The following PARD3B variants were observed in gnomAD, a reference collection of about 807,000 sequenced individuals.
The protein encoded by PARD3B is par-3 family cell polarity regulator beta.
PARD3B carries 103 observed loss-of-function variants against 130.2 expected under a neutral mutation model. That is an observed-to-expected ratio of 0.79 (90% confidence interval 0.67 to 0.93). The LOEUF (loss-of-function observed/expected upper bound fraction) is 0.93, where lower values mean the gene tolerates loss of function less well. Among genes scored for constraint, PARD3B ranks in the 40% least tolerant of loss-of-function variants. The probability of loss-of-function intolerance (pLI) is 0.00; values close to 1 mark genes in which losing one functional copy is unlikely to be tolerated. For synonymous variants in PARD3B, 583 were observed against 553.2 expected (o/e 1.05, Z -0.76); for missense variants, 1,609 against 1,499.2 (o/e 1.07, Z -1.21).
At chr2:205,559,037 T>C (rs953648369) in intron 22 of PARD3B, among the ~76,000 whole-genome samples, 1 of 152,232 alleles carries the variant, frequency 6.6e-6, no homozygotes, top group African/African-American at 2.4e-5. Flanking sequence ...CAGTAGAGTC[T>C]TAATACATTG....
intron 2 of PARD3B, among the ~76,000 whole-genome samples, chr2:204,809,423 T>A (rs1269643403): frequency 6.6e-6 from 1 of 152,200 alleles, no homozygotes; most frequent in East Asian, 1.9e-4. Context: ...TACTTTTAAG[T>A]CTTTAATCCA....
Position 205,274,439 on chromosome 2 carries a change from C to A in PARD3B, c.2186-26091C>A, listed in dbSNP as rs1195813874. On this transcript the variant is annotated intron_variant, in intron 16 of 22. Transcript: ENST00000406610. The surrounding 1 kb of genome is among the most constrained non-coding windows in gnomAD (Gnocchi z 4.2). ...GACTTTAATATTACTGAGGAAGAAA[C>A]CTGTAGTAATCTTATTCACCTCATT... is the stretch of plus-strand genomic sequence containing the variant. Among the ~76,000 whole-genome samples, 3 of 151,772 alleles carry A rather than the reference C, an allele frequency of 2.0e-5. No individual in the cohort carries two copies. The highest frequency in any genetic ancestry group is 1.5e-5 in the Non-Finnish European group (1 of 67,952).
chr2:205,023,843 G>A lies in PARD3B; in HGVS notation c.395-23738G>A, dbSNP rs74520578. 3.1e-3 allele frequency among the ~76,000 whole-genome samples: 465 copies of A among 151,944 alleles called. 14 individuals are homozygous for A. In the East Asian group the frequency reaches 0.054, roughly 18 times the overall value. ...AAAAAAACAGATGTGTATTTACTTC[G>A]GCAGCTCCAGATCTTGACTCTGGTA... On this transcript the variant is annotated intron_variant, in intron 3 of 22. Transcript: ENST00000406610.
At chr2:204,856,682 T>G (rs545785462) in intron 2 of PARD3B, among the ~76,000 whole-genome samples, 5 of 152,290 alleles carry the variant, frequency 3.3e-5, no homozygotes, top group African/African-American at 1.2e-4. Flanking sequence ...TTATGTTAGA[T>G]TTCTTTATTC....
At chr2:205,363,882 G>C (rs560078397) in intron 18 of PARD3B, among the ~76,000 whole-genome samples, 17 of 126,090 alleles carry the variant, frequency 1.3e-4, no homozygotes, top group African/African-American at 5.1e-4. Context: ...GGCCAGGCTG[G>C]TCTTGAACTC....
intron 2 of PARD3B, among the ~76,000 whole-genome samples, chr2:204,900,385 T>C (rs2046811494): frequency 6.6e-6 from 1 of 152,192 alleles, no homozygotes; most frequent in Non-Finnish European, 1.5e-5. Context: ...GCTTGATCAG[T>C]TCTGCTCTTA....
At chr2:205,093,378 A>G (rs1702222627) in intron 4 of PARD3B, among the ~76,000 whole-genome samples, 1 of 152,158 alleles carries the variant, frequency 6.6e-6, no homozygotes, top group Non-Finnish European at 1.5e-5. Flanking sequence ...AGCAAGGCAG[A>G]CAGACCTGTA....
intron 20 of PARD3B, among the ~76,000 whole-genome samples, chr2:205,484,974 C>G (rs554748471): frequency 1.3e-5 from 2 of 152,278 alleles, no homozygotes; most frequent in African/African-American, 4.8e-5. Context: ...TTTCCTTCTT[C>G]TTTGATATTC....
intron 19 of PARD3B, among the ~76,000 whole-genome samples, chr2:205,429,344 A>C (rs1157820767): frequency 6.6e-6 from 1 of 152,224 alleles, no homozygotes; most frequent in African/African-American, 2.4e-5. Context: ...ATTTCCCAAT[A>C]CTAAGTACAT....
At chr2:205,442,480 T>A (rs1250904386) in intron 20 of PARD3B, among the ~76,000 whole-genome samples, 1 of 152,046 alleles carries the variant, frequency 6.6e-6, no homozygotes, top group Non-Finnish European at 1.5e-5. Flanking sequence ...TTTTTGAATT[T>A]TTAGTAGAGA....
intron 1 of PARD3B, among the ~76,000 whole-genome samples, chr2:204,646,676 A>G (rs927924004): frequency 1.3e-5 from 2 of 152,004 alleles, no homozygotes; most frequent in African/African-American, 4.8e-5. Flanking sequence ...TCCACTTCCC[A>G]GATAATGAGA....
chr2:205,367,024 C>G (rs979770380), intron 18 of PARD3B, among the ~76,000 whole-genome samples: 2 of 152,168 alleles, frequency 1.3e-5, no homozygotes, highest in Admixed American at 1.3e-4. Flanking sequence ...AAAGTTTCTT[C>G]TTGGTAAAAG....
At chr2:205,201,401 A>G (rs1337507536) in intron 15 of PARD3B, among the ~76,000 whole-genome samples, 1 of 152,356 alleles carries the variant, frequency 6.6e-6, no homozygotes. Context: ...ATATAAATTA[A>G]AACAGCTCCT....
At chr2:205,439,135 G>T (rs150697968) in intron 19 of PARD3B, among the ~76,000 whole-genome samples, 340 of 152,190 alleles carry the variant, frequency 2.2e-3, no homozygotes, top group Middle Eastern at 0.01. Flanking sequence ...TAGCTTCCAT[G>T]TGCAAAACAG....
intron 2 of PARD3B, among the ~76,000 whole-genome samples, chr2:204,687,469 A>G (rs2037142485): frequency 6.6e-6 from 1 of 152,106 alleles, no homozygotes; most frequent in Non-Finnish European, 1.5e-5. Context: ...GGAGATTTTT[A>G]TTTGTGTGTT....
chr2:204,820,601 G>T (rs1372469017), intron 2 of PARD3B, among the ~76,000 whole-genome samples: 2 of 151,768 alleles, frequency 1.3e-5, no homozygotes, highest in Non-Finnish European at 2.9e-5. Flanking sequence ...GATCACTTGA[G>T]GTCAGGAGTT....
At chr2:205,130,725 C>T (rs776265798) in intron 10 of PARD3B, among the ~76,000 whole-genome samples, 10 of 152,164 alleles carry the variant, frequency 6.6e-5, no homozygotes, top group African/African-American at 1.2e-4. Context: ...CTACCTGCCA[C>T]GTTTGCCTGC....
chr2:205,614,244 T>A (rs1381352886), intron 22 of PARD3B, among the ~76,000 whole-genome samples: 1 of 152,170 alleles, frequency 6.6e-6, no homozygotes, highest in Middle Eastern at 3.2e-3. Context: ...TAGTGAGAGA[T>A]CCAGACAGGG....
In PARD3B at chr2:205,583,420, A is replaced by T. The variant is rs78609318; in HGVS notation, c.3260+30017A>T. 5.6e-3 allele frequency among the ~76,000 whole-genome samples: 11 copies of T among 1,958 alleles called. No homozygotes were observed. The Non-Finnish European group carries it at 0.33, about 59-fold the overall frequency. 1.3% of individuals were successfully genotyped at this position (1,958 alleles called of 152,430 possible). On this transcript the variant is annotated intron_variant, in intron 22 of 22. Coordinates refer to ENST00000406610, the MANE Select transcript of PARD3B (RefSeq NM_001302769.2). ...GTGTGTGCGCGCGCACGCGCGTGTGAGAGAGAGAGAGAGAGATGCACATAC... is the reference window on the plus strand; with the variant it reads ...GTGTGTGCGCGCGCACGCGCGTGTGTGAGAGAGAGAGAGAGATGCACATAC...
Sources: gnomAD v4.1 joint callset for allele counts (sites outside exome capture counted in the v4.1 genomes callset) on GRCh38, gnomAD v4.1.1 for gene constraint, Gnocchi (gnomAD v3.1) non-coding constraint, MANE v1.5 for transcripts, NCBI Gene and HGNC (gene_info 2026-07-23, HGNC 2026-07-21) for gene names.